PTPN2: variants seen among roughly 807,000 people sequenced by gnomAD.
PTPN2 encodes the protein protein tyrosine phosphatase non-receptor type 2, also known as tyrosine-protein phosphatase non-receptor type 2.
PTPN2 carries 19 observed loss-of-function variants against 57.3 expected under a neutral mutation model. That is an observed-to-expected ratio of 0.33 (90% CI 0.23 to 0.49). The LOEUF (loss-of-function observed/expected upper bound fraction) is 0.49. PTPN2 is among the 20% of genes least tolerant of loss of function. The probability of loss-of-function intolerance (pLI) is 0.99; values close to 1 mark genes in which losing one functional copy is unlikely to be tolerated. For missense variants in PTPN2, 358 were observed against 501.1 expected, an observed-to-expected ratio of 0.71 and a Z score of 2.73; for synonymous variants, 153 against 164.9, an observed-to-expected ratio of 0.93 and a Z score of 0.55.
chr18:12,879,644 C>A (rs2044603914), intron 1 of PTPN2, among the ~76,000 whole-genome samples: 1 of 152,190 alleles, frequency 6.6e-6, no homozygotes, highest in Non-Finnish European at 1.5e-5. Flanking sequence ...CTCCTATTAT[C>A]AAACTCATGA....
intron 2 of PTPN2, among the ~76,000 whole-genome samples, chr18:12,855,650 C>G (rs482154): frequency 0.95 from 144,302 of 152,202 alleles, 68,876 homozygotes; most frequent in East Asian, 1. Context: ...AGCTGGAACA[C>G]GGTGGCAGTG....
At chr18:12,868,001 C>G (rs1226081717) in intron 1 of PTPN2, among the ~76,000 whole-genome samples, 1 of 152,204 alleles carries the variant, frequency 6.6e-6, no homozygotes, top group Admixed American at 6.5e-5. Context: ...TGAATACACA[C>G]ATCAGTTCTT....
chr18:12,879,045 A>G (rs537408029), intron 1 of PTPN2, among the ~76,000 whole-genome samples: 279 of 152,316 alleles, frequency 1.8e-3, no homozygotes, highest in African/African-American at 5.8e-3. Flanking sequence ...TGACAAAAGG[A>G]AAAGCCAAAA....
At chr18:12,823,771 A>C (rs2042351544) in intron 5 of PTPN2, among the ~76,000 whole-genome samples, 1 of 152,188 alleles carries the variant, frequency 6.6e-6, no homozygotes, top group Admixed American at 6.5e-5. Flanking sequence ...GATTTTAACT[A>C]TTATTTTTTA....
chr18:12,806,025 A>G (rs977994987), intron 7 of PTPN2, among the ~76,000 whole-genome samples: 4 of 152,164 alleles, frequency 2.6e-5, no homozygotes. Context: ...GAAAGGAGGA[A>G]GTCAAATTGT....
intron 8 of PTPN2, among the ~76,000 whole-genome samples, chr18:12,800,178 C>T (rs77229303): frequency 0.022 from 3,381 of 152,130 alleles, 122 homozygotes; most frequent in African/African-American, 0.078. Flanking sequence ...GTTATAGACT[C>T]TAGAGTGGTT....
chr18:12,818,659 GTTTT>G (rs762467729), intron 5 of PTPN2, among the ~76,000 whole-genome samples: 2 of 143,740 alleles, frequency 1.4e-5, no homozygotes, highest in Non-Finnish European at 3.1e-5. Context: ...ATTGTAGGAG[GTTTT>G]TTTTTTTTGA....
intron 2 of PTPN2, among the ~76,000 whole-genome samples, chr18:12,858,904 G>A (rs1330125263): frequency 6.6e-6 from 1 of 152,120 alleles, no homozygotes; most frequent in Admixed American, 6.5e-5. Context: ...TTAAAGAAAG[G>A]AAAACTGTGC....
At chr18:12,799,859 G>A (rs1233270224) in intron 8 of PTPN2, among the ~76,000 whole-genome samples, 2 of 152,144 alleles carry the variant, frequency 1.3e-5, no homozygotes, top group African/African-American at 4.8e-5. Context: ...TCAAACTCCT[G>A]ACCTCAAGTG....
chr18:12,826,711 G>A (rs2042474378), intron 4 of PTPN2, among the ~76,000 whole-genome samples: 1 of 152,046 alleles, frequency 6.6e-6, no homozygotes, highest in Non-Finnish European at 1.5e-5. Flanking sequence ...TGGGATTACA[G>A]GCGTCTGCCA....
intron 8 of PTPN2, among the ~76,000 whole-genome samples, chr18:12,800,839 C>T (rs2041393654): frequency 6.6e-6 from 1 of 152,124 alleles, no homozygotes; most frequent in Non-Finnish European, 1.5e-5. Context: ...TGACTTATAC[C>T]AGGTTATCAG....
At chr18:12,859,872 G>C (rs1408798330) in intron 1 of PTPN2, among the ~76,000 whole-genome samples, 1 of 152,166 alleles carries the variant, frequency 6.6e-6, no homozygotes, top group Non-Finnish European at 1.5e-5. Flanking sequence ...TCAGCAACAA[G>C]CCTGGCGCAG....
At chr18:12,857,411 T>C (rs374697767) in intron 2 of PTPN2, among the ~76,000 whole-genome samples, 4 of 152,170 alleles carry the variant, frequency 2.6e-5, no homozygotes, top group African/African-American at 4.8e-5. Flanking sequence ...AGGTGTGATA[T>C]TGGACTGTAG....
rs148682448 is a variant in PTPN2 at position 12,872,694 on chromosome 18, G to A, written c.69+11379C>T. Among the ~76,000 whole-genome samples, 936 of 151,486 alleles carry A rather than the reference G, an allele frequency of 6.2e-3. 2 individuals are homozygous for A. Among genetic ancestry groups the A allele is most frequent in the Non-Finnish European group, 9.5e-3 (647 of 68,026 alleles). ...AGTTTGCGGGGGATTGTATTTGTGCGGACATTTCCTCTCATAAACATGTTT... is the reference window on the plus strand; with the variant it reads ...AGTTTGCGGGGGATTGTATTTGTGCAGACATTTCCTCTCATAAACATGTTT... On this transcript the variant is annotated intron_variant, in intron 1 of 8. Coordinates refer to ENST00000309660, the MANE Select transcript of PTPN2 (RefSeq NM_002828.4).
At chr18:12,870,043 A>AT (rs112668706) in intron 1 of PTPN2, among the ~76,000 whole-genome samples, 65 of 149,828 alleles carry the variant, frequency 4.3e-4, no homozygotes, top group African/African-American at 1.5e-3. Flanking sequence ...TCTTCACTAC[A>AT]TTTTTTTTTC....
downstream of PTPN2, among the ~76,000 whole-genome samples, chr18:12,789,422 A>C (rs1289113591): frequency 6.6e-6 from 1 of 152,270 alleles, no homozygotes; most frequent in African/African-American, 2.4e-5. Flanking sequence ...TTTTATTTAT[A>C]AAATTCTAGG....
chr18:12,844,472 G>A (rs1332683320), intron 2 of PTPN2, among the ~76,000 whole-genome samples: 2 of 152,126 alleles, frequency 1.3e-5, no homozygotes, highest in African/African-American at 4.8e-5. Context: ...TGTTTTAGTA[G>A]GCGTCTAGTG....
Position 12,870,498 on chromosome 18 carries a change from GAA to G in PTPN2, c.70-11246_70-11245del, listed in dbSNP as rs1277807292. 2.4e-3 allele frequency among the ~76,000 whole-genome samples: 209 copies of G among 88,594 alleles called. 5 individuals carry two copies. The highest frequency in any genetic ancestry group is 3.5e-3 in the Non-Finnish European group (178 of 50,426). 58.1% of individuals were successfully genotyped at this position (88,594 alleles called of 152,430 possible). A position where few individuals can be genotyped will look rare whatever the true frequency, so the allele number is the denominator to read the frequency against. On this transcript the variant is annotated intron_variant, in intron 1 of 8. Transcript: ENST00000309660. ...AGAGAGAGAGAGAGAGAGAGAGAGA[GAA>G]AAGCGTGTTGTTTTTTTTTTTTTTT... is the stretch of plus-strand genomic sequence containing the variant.
At chr18:12,870,039 C>T (rs9959061) in intron 1 of PTPN2, among the ~76,000 whole-genome samples, 26,474 of 151,022 alleles carry the variant, frequency 0.18, 5,258 homozygotes, top group African/African-American at 0.49. Flanking sequence ...CTTTTCTTCA[C>T]TACATTTTTT....
Sources: allele counts gnomAD v4.1 joint callset (sites outside exome capture counted in the v4.1 genomes callset), GRCh38; gene constraint gnomAD v4.1.1; transcripts MANE v1.5; gene names NCBI Gene and HGNC (gene_info 2026-07-23, HGNC 2026-07-21).